The following PTPRT variants were observed in gnomAD, a reference collection of about 807,000 sequenced individuals.
PTPRT encodes receptor-type tyrosine-protein phosphatase T.
In PTPRT, 56 loss-of-function variants were observed where a neutral mutation model predicts 176.8. The observed-to-expected ratio is 0.32, with a 90% CI of 0.26 to 0.40. The LOEUF is 0.40. Among genes scored for constraint, PTPRT ranks in the 10% least tolerant of loss-of-function variants. PTPRT has a pLI of 1.00. For missense variants in PTPRT, 1,540 were observed against 1,908.2 expected, an observed-to-expected ratio of 0.81 and a Z score of 3.60; for synonymous variants, 783 against 739.0, an observed-to-expected ratio of 1.06 and a Z score of -0.96.
intron 11 of PTPRT, among the ~76,000 whole-genome samples, chr20:42,333,404 T>C (rs890809847): frequency 1.3e-5 from 2 of 151,732 alleles, no homozygotes; most frequent in South Asian, 4.2e-4. Context: ...TGATCTCGGC[T>C]CACTGTAACC....
chr20:42,568,597 A>G (rs2073089171), intron 7 of PTPRT, among the ~76,000 whole-genome samples: 1 of 152,126 alleles, frequency 6.6e-6, no homozygotes, highest in Non-Finnish European at 1.5e-5. Context: ...TTGGCTCTCA[A>G]ATAAAAGCTG....
At chr20:42,871,074 G>A (rs1021399701) in intron 2 of PTPRT, among the ~76,000 whole-genome samples, 4 of 150,980 alleles carry the variant, frequency 2.6e-5, no homozygotes, top group African/African-American at 7.3e-5. Context: ...CCTCAGCCTC[G>A]TGAGTAGCTG....
At chr20:42,566,787 T>C (rs1414888241) in intron 7 of PTPRT, among the ~76,000 whole-genome samples, 1 of 152,104 alleles carries the variant, frequency 6.6e-6, no homozygotes, top group East Asian at 1.9e-4. Context: ...AAAAAGCATG[T>C]AAGTAGGAAA....
chr20:42,400,606 T>G (rs1600959456), intron 9 of PTPRT, among the ~76,000 whole-genome samples: 1 of 148,980 alleles, frequency 6.7e-6, no homozygotes, highest in East Asian at 2.0e-4. Context: ...GCAGAGAGAG[T>G]ATGAAGGAAC....
At chr20:42,566,127 CAATTTT>C (rs1343993911) in intron 7 of PTPRT, among the ~76,000 whole-genome samples, 2 of 151,792 alleles carry the variant, frequency 1.3e-5, no homozygotes, top group Admixed American at 6.6e-5. Flanking sequence ...AAAATAGATT[CAATTTT>C]ATTTATTTAT....
Position 42,085,756 on chromosome 20 carries a change from C to A in PTPRT, c.3944G>T (p.Arg1315Ile), listed in dbSNP as rs1176843344. ...GGCCATGTTACAGATGCGGAATATT[C>A]TGTGGATGATGTCCTCGTCGATGTC... ...SADIDEDIIH[R>I]IFRICNMARP... The change falls in exon 28 of 31, where the codon AGA (arginine) becomes ATA (isoleucine). Residue 1315 changes from arginine to isoleucine, a missense_variant. This residue lies in a region of PTPRT where 342 missense variants were observed against 394.0 expected (regional missense o/e 0.87). Transcript: ENST00000373187. 15 of 1,613,940 alleles carry A rather than the reference C, an allele frequency of 9.3e-6. No individual in the cohort carries two copies. Among genetic ancestry groups the A allele is most frequent in the Non-Finnish European group, 1.3e-5 (15 of 1,180,030 alleles).
chr20:43,154,438 G>A (rs2014455924), intron 1 of PTPRT, among the ~76,000 whole-genome samples: 1 of 152,154 alleles, frequency 6.6e-6, no homozygotes, highest in South Asian at 2.1e-4. Flanking sequence ...ACAGTATTTT[G>A]AAGTCAGGTA....
chr20:42,622,646 T>C (rs1423830063), intron 7 of PTPRT, among the ~76,000 whole-genome samples: 1 of 152,184 alleles, frequency 6.6e-6, no homozygotes, highest in African/African-American at 2.4e-5. Flanking sequence ...GCTAGTACAG[T>C]AGCTGGATGT....
intron 3 of PTPRT, among the ~76,000 whole-genome samples, chr20:42,780,749 C>T (rs1182645656): frequency 1.3e-5 from 2 of 152,182 alleles, no homozygotes; most frequent in African/African-American, 4.8e-5. Flanking sequence ...GTTGATTCTA[C>T]ATTGCCAAGG....
intron 7 of PTPRT, among the ~76,000 whole-genome samples, chr20:42,482,438 C>T (rs2071403430): frequency 6.6e-6 from 1 of 152,228 alleles, no homozygotes; most frequent in East Asian, 1.9e-4. Flanking sequence ...GTATTCTTTG[C>T]CAAAAGTAAA....
intron 6 of PTPRT, among the ~76,000 whole-genome samples, chr20:42,736,627 G>T (rs1330637195): frequency 6.6e-6 from 1 of 152,200 alleles, no homozygotes; most frequent in South Asian, 2.1e-4. Context: ...TGGGGAATTA[G>T]AATTTGTGTG....
intron 1 of PTPRT, among the ~76,000 whole-genome samples, chr20:43,039,638 C>CA (rs2146210396): frequency 6.6e-6 from 1 of 151,510 alleles, no homozygotes; most frequent in Non-Finnish European, 1.5e-5. Context: ...AATAAAAACC[C>CA]AAAATCAAGT....
intron 13 of PTPRT, among the ~76,000 whole-genome samples, chr20:42,268,292 A>C (rs2056872732): frequency 6.6e-6 from 1 of 152,222 alleles, no homozygotes. Context: ...CTGTCAGAGG[A>C]GGAACATTCA....
At chr20:42,760,062 G>A (rs1243714879) in intron 5 of PTPRT, among the ~76,000 whole-genome samples, 2 of 152,200 alleles carry the variant, frequency 1.3e-5, no homozygotes, top group Non-Finnish European at 2.9e-5. Context: ...CAGAGTGGAT[G>A]GTACCTTGTG....
chr20:42,988,346 A>C (rs1983714248), intron 1 of PTPRT, among the ~76,000 whole-genome samples: 1 of 152,192 alleles, frequency 6.6e-6, no homozygotes, highest in Admixed American at 6.5e-5. Context: ...GTCCATGTTG[A>C]CTATGCAGTC....
chr20:43,188,362 C>T (rs2015447588), intron 1 of PTPRT, among the ~76,000 whole-genome samples: 1 of 152,194 alleles, frequency 6.6e-6, no homozygotes, highest in African/African-American at 2.4e-5. Context: ...GCTGTCCCTT[C>T]ACAGAAGTCG....
chr20:42,702,435 C>G (rs2075987469), intron 6 of PTPRT, among the ~76,000 whole-genome samples: 1 of 152,146 alleles, frequency 6.6e-6, no homozygotes, highest in Non-Finnish European at 1.5e-5. Flanking sequence ...CTTTAAAAGG[C>G]TGGGGTGAAA....
chr20:42,763,987 G>A (rs965076302), intron 5 of PTPRT, among the ~76,000 whole-genome samples: 3 of 152,146 alleles, frequency 2.0e-5, no homozygotes, highest in African/African-American at 7.2e-5. Flanking sequence ...GAATAACAAA[G>A]TTCTTTGTCT....
At position 42,472,311 on chromosome 20, in the gene PTPRT, C is replaced by T; in HGVS notation, c.1405G>A (p.Gly469Ser). 1 of 1,614,214 alleles carries T rather than the reference C, an allele frequency of 6.2e-7. No individual in the cohort carries two copies. The highest frequency in any genetic ancestry group is 8.5e-7 in the Non-Finnish European group (1 of 1,180,042). ...RLRLLLSNPE[G>S]RMESEELVVQ... Reference sequence around the variant, plus strand: ...ACCAGCTCCTCGCTCTCCATTCGGCCCTCGGGGTTAGACAGCAAGAGTCGC... The same window carrying T: ...ACCAGCTCCTCGCTCTCCATTCGGCTCTCGGGGTTAGACAGCAAGAGTCGC... The change falls in exon 8 of 31, where the codon GGC becomes AGC. Residue 469 changes from glycine to serine, a missense_variant. By Grantham distance (56) the Gly-to-Ser change is moderately conservative (BLOSUM62 0). Transcript: ENST00000373187.
Sources: gnomAD v4.1 joint callset for allele counts (sites outside exome capture counted in the v4.1 genomes callset) on GRCh38, gnomAD v4.1.1 for gene constraint, gnomAD v4.1.1 regional missense constraint, MANE v1.5 for transcripts, NCBI Gene and HGNC (gene_info 2026-07-23, HGNC 2026-07-21) for gene names.